RAPGEF4: variants seen among roughly 807,000 people sequenced by gnomAD.
RAPGEF4 encodes the protein Rap guanine nucleotide exchange factor 4.
In RAPGEF4, 66 loss-of-function variants were observed where a neutral mutation model predicts 147.9. The ratio of observed to expected loss-of-function variants is 0.45; its 90% CI spans 0.37 to 0.55. The LOEUF is 0.55. Among genes scored for constraint, RAPGEF4 ranks in the 20% least tolerant of loss-of-function variants. RAPGEF4 has a pLI of 0.00. For synonymous variants in RAPGEF4, 419 were observed against 442.7 expected, an observed-to-expected ratio of 0.95 and a Z score of 0.67; for missense variants, 1,071 against 1,257.3, an observed-to-expected ratio of 0.85 and a Z score of 2.24.
intron 1 of RAPGEF4, among the ~76,000 whole-genome samples, chr2:172,744,596 G>T (rs1328224959): frequency 5.9e-5 from 9 of 152,122 alleles, no homozygotes; most frequent in Non-Finnish European, 7.4e-5. Context: ...GATTCATTGG[G>T]ATTTTCCCTG....
chr2:172,797,503 T>C (rs779033411), intron 2 of RAPGEF4, 22 bp from the exon 3 acceptor site: 3 of 1,589,898 alleles, frequency 1.9e-6, no homozygotes, highest in East Asian at 4.5e-5. Flanking sequence ...GTTATATTTA[T>C]ATCACAATTT....
At chr2:172,845,770 C>T (rs1692109243) in intron 4 of RAPGEF4, among the ~76,000 whole-genome samples, 1 of 152,142 alleles carries the variant, frequency 6.6e-6, no homozygotes, top group Admixed American at 6.5e-5. Flanking sequence ...GTGGTGCAAC[C>T]ATCACTACTG....
chr2:173,007,219 A>G (rs542869462), intron 17 of RAPGEF4, among the ~76,000 whole-genome samples: 7 of 152,374 alleles, frequency 4.6e-5, no homozygotes, highest in African/African-American at 7.2e-5. Context: ...CTGTGCTATG[A>G]GTACAAGCCC....
intron 6 of RAPGEF4, among the ~76,000 whole-genome samples, chr2:172,933,786 A>C (rs1361623673): frequency 6.6e-6 from 1 of 152,208 alleles, no homozygotes; most frequent in African/African-American, 2.4e-5. Context: ...AGGTTGATTT[A>C]TGTAATATTT....
intron 1 of RAPGEF4, among the ~76,000 whole-genome samples, chr2:172,742,180 T>C (rs1694357318): frequency 6.6e-6 from 1 of 152,254 alleles, no homozygotes; most frequent in African/African-American, 2.4e-5. Flanking sequence ...TTAAACAACT[T>C]GACGTTAGTT....
At chr2:173,019,990 T>G (rs1695908390) in intron 22 of RAPGEF4, among the ~76,000 whole-genome samples, 1 of 152,228 alleles carries the variant, frequency 6.6e-6, no homozygotes, top group African/African-American at 2.4e-5. Context: ...GAGTGGGATT[T>G]TTTTTCTGTA....
chr2:173,051,461 G>A (rs562268940), intron 30 of RAPGEF4, among the ~76,000 whole-genome samples, 179 bp from the exon 31 acceptor site: 6 of 152,248 alleles, frequency 3.9e-5, no homozygotes, highest in African/African-American at 1.4e-4. Flanking sequence ...GAAAATTGGA[G>A]GGTAGGAAGG....
rs572716178 is a variant in RAPGEF4, at chr2:172,875,352, G to A, written c.445-42450G>A. ...CTATGTCCTGAATGGTATTGCCTAG[G>A]TTTTCTTCTAGGGTTTTTATGGTTT... On this transcript the variant is annotated intron_variant, in intron 4 of 30. Transcript: ENST00000397081. Among the ~76,000 whole-genome samples the A allele has an allele frequency of 3.2e-3, 493 of 152,070 alleles. 3 individuals carry two copies. The highest frequency in any genetic ancestry group is 0.011 in the African/African-American group (464 of 41,500).
chr2:172,855,886 A>G (rs1429375403), intron 4 of RAPGEF4, among the ~76,000 whole-genome samples: 1 of 151,912 alleles, frequency 6.6e-6, no homozygotes, highest in African/African-American at 2.4e-5. Flanking sequence ...TTCTCTCTTT[A>G]TCTTTGAATT....
chr2:172,800,983 C>T (rs1686921510), intron 3 of RAPGEF4, among the ~76,000 whole-genome samples: 1 of 152,134 alleles, frequency 6.6e-6, no homozygotes, highest in Non-Finnish European at 1.5e-5. Flanking sequence ...CCTAGAATTC[C>T]TACCCCTAGA....
In RAPGEF4 at chr2:172,996,552, C is replaced by A; in HGVS notation, c.1577C>A (p.Thr526Lys). The A allele has an allele frequency of 6.4e-7, 1 of 1,555,850 alleles. No homozygotes were observed. The highest frequency in any genetic ancestry group is 1.2e-5 in the South Asian group (1 of 82,634). Residue 526 changes from threonine (T) to lysine (K), a missense_variant and splice_region_variant, in exon 16 of 31, where the codon ACA (threonine) becomes AAA (lysine). By Grantham distance (78) the Thr-to-Lys change is moderately conservative. Transcript: ENST00000397081. ...IRLEATLNEA[T>K]DSVLNDFIMM... ...CTTGAGGCAACTTTAAATGAAGCAACAGGTATACACATAGAACCGTTTGCA... is the reference window on the plus strand; with the variant it reads ...CTTGAGGCAACTTTAAATGAAGCAAAAGGTATACACATAGAACCGTTTGCA...
At chr2:173,016,878 T>C (rs1430653996) in intron 19 of RAPGEF4, among the ~76,000 whole-genome samples, 2 of 152,242 alleles carry the variant, frequency 1.3e-5, no homozygotes, top group African/African-American at 2.4e-5. Context: ...TTACTTGAAC[T>C]ATAGATTAAA....
At chr2:172,745,240 T>A (rs1238128807) in intron 1 of RAPGEF4, among the ~76,000 whole-genome samples, 14 of 152,162 alleles carry the variant, frequency 9.2e-5, no homozygotes, top group Admixed American at 8.5e-4. Flanking sequence ...TATGAAAAGC[T>A]TTTTAATGAC....
At chr2:173,034,488 C>T (rs1015911639) in intron 27 of RAPGEF4, among the ~76,000 whole-genome samples, 7 of 152,114 alleles carry the variant, frequency 4.6e-5, no homozygotes, top group African/African-American at 1.2e-4. Context: ...TAGGAAATAT[C>T]TCCCCTTGGC....
intron 5 of RAPGEF4, among the ~76,000 whole-genome samples, chr2:172,919,970 G>A (rs1469739578): frequency 2.0e-5 from 3 of 152,134 alleles, no homozygotes; most frequent in South Asian, 4.2e-4. Context: ...CTGGCCTTGG[G>A]CCTCATCTCT....
Position 172,759,887 on chromosome 2 carries a change from CAAAG to C in RAPGEF4, c.65+23845_65+23848del, listed in dbSNP as rs201555239. ...ACCCTGGACGTTATATATAAACAAA[CAAAG>C]AAAGACTCTAAAAGGCAGAGAGAAA... On this transcript the variant is annotated intron_variant, in intron 1 of 30. Transcript: ENST00000397081. Among the ~76,000 whole-genome samples the C allele has an allele frequency of 7.6e-3, 1,150 of 152,268 alleles. 15 individuals carry two copies. Among genetic ancestry groups the C allele is most frequent in the African/African-American group, 0.024 (997 of 41,552 alleles).
intron 3 of RAPGEF4, among the ~76,000 whole-genome samples, chr2:172,810,475 A>C (rs754860483): frequency 1.9e-4 from 29 of 152,218 alleles, no homozygotes; most frequent in Non-Finnish European, 3.5e-4. Context: ...CAATGGGACT[A>C]AGGATGGGTG....
chr2:172,891,598 G>A (rs544737414), intron 4 of RAPGEF4, among the ~76,000 whole-genome samples: 5 of 152,282 alleles, frequency 3.3e-5, no homozygotes, highest in African/African-American at 1.2e-4. Context: ...GTGGTTCTGC[G>A]TGGTGGGATC....
chr2:172,735,894 C>T lies in RAPGEF4; in HGVS notation c.-90C>T. 1 of 1,150,596 alleles carries T rather than the reference C, an allele frequency of 8.7e-7. No homozygotes were observed. The allele number at this position is 1,150,596 out of a possible 1,614,324, so 71.3% of individuals were successfully genotyped here. A position where few individuals can be genotyped will look rare whatever the true frequency, so the allele number is the denominator to read the frequency against. On this transcript the variant is annotated 5_prime_UTR_variant, in exon 1 of 31. Transcript: ENST00000397081. ...GCCAGGCGTCCGGGAGGAGCGGGGT[C>T]CGCGCGGCGGACGAGGCGGGGGCGG...
Sources: allele counts gnomAD v4.1 joint callset (sites outside exome capture counted in the v4.1 genomes callset), GRCh38; gene constraint gnomAD v4.1.1; transcripts MANE v1.5; gene names NCBI Gene and HGNC (gene_info 2026-07-23, HGNC 2026-07-21).